SKAP1: variants seen among roughly 807,000 people sequenced by gnomAD.
SKAP1 encodes src kinase associated phosphoprotein 1, also known as src kinase-associated phosphoprotein 1.
A neutral mutation model predicts 58.5 loss-of-function variants in SKAP1; 44 were observed. The observed-to-expected ratio is 0.75, with a 90% CI of 0.59 to 0.97. SKAP1 has a LOEUF of 0.97. Ranked by LOEUF, SKAP1 falls within the 50% of genes least tolerant of loss-of-function variation. The pLI is 0.00. For synonymous variants in SKAP1, 127 were observed against 149.7 expected, an observed-to-expected ratio of 0.85 and a Z score of 1.11; for missense variants, 390 against 435.2, an observed-to-expected ratio of 0.90 and a Z score of 0.92.
chr17:48,402,368 T>C (rs1453617816), intron 1 of SKAP1, among the ~76,000 whole-genome samples: 2 of 151,600 alleles, frequency 1.3e-5, no homozygotes, highest in African/African-American at 4.9e-5. Flanking sequence ...CTCGCTCTAT[T>C]GCCCAGGCTG....
intron 4 of SKAP1, among the ~76,000 whole-genome samples, chr17:48,271,563 T>G (rs1318764123): frequency 1.3e-5 from 2 of 151,870 alleles, no homozygotes; most frequent in African/African-American, 2.4e-5. Context: ...AGAGATGAGG[T>G]CTTGCCCAGG....
At chr17:48,395,310 C>T (rs867956610) in intron 2 of SKAP1, among the ~76,000 whole-genome samples, 4 of 152,014 alleles carry the variant, frequency 2.6e-5, no homozygotes, top group Non-Finnish European at 2.9e-5. Flanking sequence ...GAAAGAATTC[C>T]TCCTCATTGT....
At chr17:48,258,741 GAACA>G (rs1189759694) in intron 4 of SKAP1, among the ~76,000 whole-genome samples, 1 of 152,118 alleles carries the variant, frequency 6.6e-6, no homozygotes, top group Non-Finnish European at 1.5e-5. Context: ...TACAGTCACT[GAACA>G]TAAAAAACCA....
At chr17:48,182,324 AT>A (rs2064380307) in intron 8 of SKAP1, 69 bp downstream of exon 8, 1 of 1,133,444 alleles carries the variant, frequency 8.8e-7, no homozygotes, top group Non-Finnish European at 1.3e-6. Flanking sequence ...AAGTCTGTAG[AT>A]TATATTTATG....
chr17:48,264,745 A>AACAAAC (rs1555609825), intron 4 of SKAP1, among the ~76,000 whole-genome samples: 119 of 142,752 alleles, frequency 8.3e-4, no homozygotes, highest in Non-Finnish European at 1.5e-3. Context: ...AAATCTACAA[A>AACAAAC]ACACACACAC....
chr17:48,382,409 A>G (rs1322607774), intron 2 of SKAP1: 1 of 152,242 alleles, frequency 6.6e-6, no homozygotes, highest in Non-Finnish European at 1.5e-5. Flanking sequence ...ACTCTCCCAG[A>G]GGAAGAGAAG....
chr17:48,210,944 C>G (rs115870025), intron 4 of SKAP1, among the ~76,000 whole-genome samples: 191 of 152,188 alleles, frequency 1.3e-3, no homozygotes, highest in African/African-American at 4.4e-3. Context: ...GCCAGTGTGA[C>G]GGAAAGCCCC....
intron 11 of SKAP1, among the ~76,000 whole-genome samples, chr17:48,140,416 T>G (rs551313276): frequency 6.6e-6 from 1 of 152,328 alleles, no homozygotes; most frequent in South Asian, 2.1e-4. Flanking sequence ...TTAATGTGGT[T>G]GTTTTCCAGG....
At chr17:48,165,984 ACT>A (rs2064134284) in intron 10 of SKAP1, among the ~76,000 whole-genome samples, 1 of 152,246 alleles carries the variant, frequency 6.6e-6, no homozygotes, top group Non-Finnish European at 1.5e-5. Context: ...GAAAAACATA[ACT>A]CTGCACTAAA....
chr17:48,396,615 A>G (rs1450185666), intron 2 of SKAP1, 65 bp downstream of exon 2: 3 of 1,061,924 alleles, frequency 2.8e-6, no homozygotes, highest in Non-Finnish European at 4.3e-6. Context: ...TTGTGACTTT[A>G]TTTTACTGAT....
chr17:48,288,319 T>A (rs895454582), intron 4 of SKAP1, among the ~76,000 whole-genome samples: 2 of 152,354 alleles, frequency 1.3e-5, no homozygotes, highest in Non-Finnish European at 2.9e-5. Context: ...AAGGGTTTTT[T>A]AAGCTATAAT....
Position 48,361,201 on chromosome 17 carries a change from GT to G in SKAP1, c.178+2587del, listed in dbSNP as rs767927061. On this transcript the variant is annotated intron_variant, in intron 3 of 12. Transcript: ENST00000336915. ...ATTATATCTTGATAAGGCTGCCTTG[GT>G]TTTTTTTTTTTTTTCTTTTTGAGAC... Among the ~76,000 whole-genome samples the G allele has an allele frequency of 7.6e-3, 1,048 of 138,010 alleles. 6 individuals are homozygous for G. Among genetic ancestry groups the G allele is most frequent in the African/African-American group, 0.023 (873 of 38,068 alleles). The allele number at this position is 138,010 out of a possible 152,430, so 90.5% of individuals were successfully genotyped here. A position where few individuals can be genotyped will look rare whatever the true frequency, so the allele number is the denominator to read the frequency against.
At chr17:48,227,914 G>A (rs2065086772) in intron 4 of SKAP1, among the ~76,000 whole-genome samples, 1 of 152,158 alleles carries the variant, frequency 6.6e-6, no homozygotes, top group Admixed American at 6.5e-5. Flanking sequence ...TTAGAACTGT[G>A]TCTGGAACAC....
intron 4 of SKAP1, among the ~76,000 whole-genome samples, chr17:48,247,673 A>G (rs1047283462): frequency 6.6e-6 from 1 of 152,148 alleles, no homozygotes; most frequent in African/African-American, 2.4e-5. Context: ...GTGTTTATAT[A>G]TATATTTTTT....
intron 1 of SKAP1, among the ~76,000 whole-genome samples, chr17:48,404,269 A>G (rs2067541185): frequency 6.6e-6 from 1 of 151,982 alleles, no homozygotes; most frequent in African/African-American, 2.4e-5. Flanking sequence ...CCTGACCAAC[A>G]TGGAGAAACC....
chr17:48,359,529 A>G (rs1488978713), intron 3 of SKAP1, among the ~76,000 whole-genome samples: 2 of 152,206 alleles, frequency 1.3e-5, no homozygotes, highest in African/African-American at 2.4e-5. Context: ...CTCTTAATTT[A>G]CAGTTAACAT....
chr17:48,252,862 G>A (rs898793537), intron 4 of SKAP1, among the ~76,000 whole-genome samples: 2 of 152,096 alleles, frequency 1.3e-5, no homozygotes, highest in Middle Eastern at 3.2e-3. Flanking sequence ...AATTGCATCA[G>A]CTTCCCTGGA....
intron 4 of SKAP1, among the ~76,000 whole-genome samples, chr17:48,234,677 C>T (rs1567831799): frequency 2.0e-5 from 3 of 151,744 alleles, no homozygotes; most frequent in African/African-American, 2.4e-5. Flanking sequence ...TGTGGGGGTA[C>T]CAAAATAAAT....
intron 4 of SKAP1, among the ~76,000 whole-genome samples, chr17:48,306,620 T>A (rs1598545296): frequency 1.3e-5 from 2 of 152,346 alleles, no homozygotes; most frequent in East Asian, 3.9e-4. Context: ...CCATAGTACT[T>A]AGTTGAAGTT....
Sources: gnomAD v4.1 joint callset for allele counts (sites outside exome capture counted in the v4.1 genomes callset) on GRCh38, gnomAD v4.1.1 for gene constraint, MANE v1.5 for transcripts, NCBI Gene and HGNC (gene_info 2026-07-23, HGNC 2026-07-21) for gene names.